The following ABCC8 variants were observed in gnomAD, a reference collection of about 807,000 sequenced individuals.
ABCC8 encodes ATP-binding cassette sub-family C member 8.
A neutral mutation model predicts 188.0 loss-of-function variants in ABCC8; 137 were observed. That is an observed-to-expected ratio of 0.73 (90% confidence interval 0.63 to 0.84). The LOEUF is 0.84. Among genes scored for constraint, ABCC8 ranks in the 40% least tolerant of loss-of-function variants. The pLI is 0.00. For missense variants in ABCC8, 1,750 were observed against 2,072.7 expected (o/e 0.84, Z 3.02); for synonymous variants, 797 against 846.5 (o/e 0.94, Z 1.01).
intron 6 of ABCC8, among the ~76,000 whole-genome samples, chr11:17,460,035 C>T (rs749034208): frequency 2.7e-5 from 4 of 149,036 alleles, no homozygotes; most frequent in Admixed American, 6.6e-5. Flanking sequence ...TTTCCCACTT[C>T]TCTCTCCTCT....
chr11:17,416,553 C>G (rs1044530256), intron 17 of ABCC8, among the ~76,000 whole-genome samples: 1 of 152,134 alleles, frequency 6.6e-6, no homozygotes, highest in African/African-American at 2.4e-5. Flanking sequence ...CTATCTAATT[C>G]CAAAACATTT....
At chr11:17,411,956 G>A (rs923543751) in intron 21 of ABCC8, among the ~76,000 whole-genome samples, 6 of 148,832 alleles carry the variant, frequency 4.0e-5, no homozygotes, top group Admixed American at 6.7e-5. Context: ...GCAGTGGTGC[G>A]ATCTCGGCTC....
At chr11:17,426,590 T>C (rs907563528) in intron 16 of ABCC8, among the ~76,000 whole-genome samples, 8 of 152,166 alleles carry the variant, frequency 5.3e-5, no homozygotes, top group Non-Finnish European at 8.8e-5. Context: ...CACCCACTTA[T>C]GGTGTGTAGG....
At chr11:17,437,679 A>C (rs1956160058) in intron 10 of ABCC8, among the ~76,000 whole-genome samples, 1 of 152,226 alleles carries the variant, frequency 6.6e-6, no homozygotes, top group African/African-American at 2.4e-5. Flanking sequence ...AGTCAGACTG[A>C]TCTTTACCTC....
chr11:17,424,011 G>C (rs561983421), intron 16 of ABCC8, among the ~76,000 whole-genome samples: 2 of 152,300 alleles, frequency 1.3e-5, no homozygotes, highest in South Asian at 4.1e-4. Flanking sequence ...CAGACTGACT[G>C]AGATGATGAG....
chr11:17,427,624 T>C lies in ABCC8; in HGVS notation c.2116+243A>G, dbSNP rs914206053. Among the ~76,000 whole-genome samples the C allele has an allele frequency of 6.6e-6, 1 of 152,214 alleles. No individual in the cohort carries two copies. Among genetic ancestry groups the C allele is most frequent in the Non-Finnish European group, 1.5e-5 (1 of 68,042 alleles). ...TTCTGATCTTTTTGTGCATTACCTA[T>C]ACTGTCTGCAATGGATGGTTTGACA... On this transcript the variant is annotated intron_variant, in intron 15 of 38. Transcript: ENST00000389817. The surrounding 1 kb of genome is among the most constrained non-coding windows in gnomAD (Gnocchi z 5.0).
In ABCC8 at chr11:17,465,050, G is replaced by T. The variant is rs115912554; in HGVS notation, c.413-1446C>A. 6.7e-3 allele frequency among the ~76,000 whole-genome samples: 1,017 copies of T among 152,318 alleles called. 11 individuals carry two copies. The highest frequency in any genetic ancestry group is 0.022 in the African/African-American group (911 of 41,572). ...CATGCGCCCAGGGCTGAGCTCACCC[G>T]GGGGGATCGATGCCATCCACCTTGG... On this transcript the variant is annotated intron_variant, in intron 3 of 38. Transcript: ENST00000389817.
At chr11:17,406,821 G>C in intron 25 of ABCC8, 33 bp from the exon 26 acceptor site, 1 of 1,614,174 alleles carries the variant, frequency 6.2e-7, no homozygotes, top group African/African-American at 1.3e-5. Context: ...GGAGTTCCAG[G>C]GTGCCCATGG....
intron 7 of ABCC8, among the ~76,000 whole-genome samples, chr11:17,452,587 G>A (rs1387923948): frequency 1.3e-5 from 2 of 152,162 alleles, no homozygotes; most frequent in African/African-American, 2.4e-5. Context: ...CAGAGCTCAG[G>A]TAGTAATGCT....
At chr11:17,400,711 C>T (rs571922648) in intron 29 of ABCC8, among the ~76,000 whole-genome samples, 4 of 152,326 alleles carry the variant, frequency 2.6e-5, no homozygotes, top group Non-Finnish European at 4.4e-5. Flanking sequence ...CCAAGCTCAG[C>T]GCCAGCCCCC....
At chr11:17,434,656 A>G (rs1300713429) in intron 10 of ABCC8, among the ~76,000 whole-genome samples, 1 of 152,058 alleles carries the variant, frequency 6.6e-6, no homozygotes, top group African/African-American at 2.4e-5. Context: ...TCTACTGCAC[A>G]TTTTCCCTGG....
At chr11:17,442,971 T>C (rs1956379294) in intron 9 of ABCC8, 89 bp from the exon 10 acceptor site, 2 of 1,598,638 alleles carry the variant, frequency 1.3e-6, no homozygotes, top group South Asian at 1.1e-5. Flanking sequence ...GTCACTGCCA[T>C]GCCCGCCTCC....
chr11:17,447,339 C>G (rs564842603), intron 8 of ABCC8, among the ~76,000 whole-genome samples: 3 of 152,172 alleles, frequency 2.0e-5, no homozygotes, highest in Non-Finnish European at 4.4e-5. Context: ...GCTGACGATT[C>G]TCCTCTGATT....
intron 2 of ABCC8, among the ~76,000 whole-genome samples, chr11:17,470,522 C>A (rs564844447): frequency 6.6e-6 from 1 of 152,246 alleles, no homozygotes; most frequent in South Asian, 2.1e-4. Flanking sequence ...CAGTGACAGC[C>A]CCATTTAACA....
At chr11:17,396,838 G>T in intron 33 of ABCC8, 78 bp downstream of exon 33, 1 of 1,578,332 alleles carries the variant, frequency 6.3e-7, no homozygotes, top group Admixed American at 1.7e-5. Flanking sequence ...AGGTGACTGC[G>T]AAGCCATCCA....
At chr11:17,466,232 C>G (rs1216726052) in intron 3 of ABCC8, among the ~76,000 whole-genome samples, 1 of 151,958 alleles carries the variant, frequency 6.6e-6, no homozygotes, top group Non-Finnish European at 1.5e-5. Context: ...AACCCCGTCT[C>G]TACTAAAAAT....
chr11:17,408,294 C>T, intron 23 of ABCC8, 98 bp downstream of exon 23: 3 of 1,230,396 alleles, frequency 2.4e-6, no homozygotes, highest in South Asian at 1.2e-5. Flanking sequence ...TAGGGGGCTT[C>T]CTGGGGCACT....
At chr11:17,396,158 A>G (rs1024101572) in intron 33 of ABCC8, 1 of 1,042,774 alleles carries the variant, frequency 9.6e-7, no homozygotes, top group Admixed American at 2.6e-5. Context: ...ATGGATGTCC[A>G]TTTGCCTGGG....
At chr11:17,419,786 A>G (rs1955250827) in intron 16 of ABCC8, among the ~76,000 whole-genome samples, 1 of 152,216 alleles carries the variant, frequency 6.6e-6, no homozygotes, top group African/African-American at 2.4e-5. Context: ...GAGGCAGCAT[A>G]TGATAACAGG....
Sources: gnomAD v4.1 joint callset for allele counts (sites outside exome capture counted in the v4.1 genomes callset) on GRCh38, gnomAD v4.1.1 for gene constraint, Gnocchi (gnomAD v3.1) non-coding constraint, MANE v1.5 for transcripts, NCBI Gene and HGNC (gene_info 2026-07-23, HGNC 2026-07-21) for gene names.